The following CRYBG1 variants were observed in gnomAD, a reference collection of about 807,000 sequenced individuals.
The protein encoded by CRYBG1 is crystallin beta-gamma domain containing 1.
A neutral mutation model predicts 189.2 loss-of-function variants in CRYBG1; 139 were observed. That is an observed-to-expected ratio of 0.73 (90% CI 0.64 to 0.85). The LOEUF (loss-of-function observed/expected upper bound fraction) is 0.85, where lower values mean the gene tolerates loss of function less well. Among genes scored for constraint, CRYBG1 ranks in the 40% least tolerant of loss-of-function variants. The pLI, the probability that CRYBG1 is intolerant of heterozygous loss-of-function variation, is 0.00. For synonymous variants in CRYBG1, 1,023 were observed against 1,017.1 expected (o/e 1.01, Z -0.11); for missense variants, 2,611 against 2,675.8 (o/e 0.98, Z 0.53).
chr6:106,405,096 T>G (rs905295243), intron 1 of CRYBG1, among the ~76,000 whole-genome samples: 1 of 152,046 alleles, frequency 6.6e-6, no homozygotes, highest in Non-Finnish European at 1.5e-5. Flanking sequence ...CTCAGCAGAT[T>G]CCACCCCCAT....
At chr6:106,538,668 G>A (rs564286693) in intron 8 of CRYBG1, among the ~76,000 whole-genome samples, 127 of 152,184 alleles carry the variant, frequency 8.3e-4, no homozygotes, top group African/African-American at 2.9e-3. Context: ...CAAGGCGGGC[G>A]GATCACCTGA....
rs535015918 is a variant in CRYBG1, at chr6:106,360,982, C to T, written c.74C>T (p.Thr25Ile). 9 of 1,535,174 alleles carry T rather than the reference C, an allele frequency of 5.9e-6. No homozygotes were observed. Among genetic ancestry groups the T allele is most frequent in the African/African-American group, 1.4e-5 (1 of 73,030 alleles). ...SPCRPPKKHT[T>I]FHLWRSKKKQ... ...TGCAGGCCCCCTAAGAAGCACACCA[C>T]CTTCCACCTCTGGCGCTCCAAAAAG... Residue 25 changes from threonine to isoleucine, a missense_variant, in exon 1 of 22, where the codon ACC becomes ATC. Thr to Ile is a moderately conservative substitution (Grantham distance 89). Around this residue, in one of 3 missense-constraint regions of CRYBG1, gnomAD observed 985 missense variants for 924.4 expected, o/e 1.07. Transcript: ENST00000633556.
chr6:106,540,012 C>G (rs1774094555), intron 9 of CRYBG1, among the ~76,000 whole-genome samples: 1 of 151,856 alleles, frequency 6.6e-6, no homozygotes, highest in Non-Finnish European at 1.5e-5. Context: ...AGGGTGCAGC[C>G]TGAGAGAGAG....
chr6:106,489,346 A>G (rs1772664177), intron 2 of CRYBG1, among the ~76,000 whole-genome samples: 1 of 152,036 alleles, frequency 6.6e-6, no homozygotes, highest in African/African-American at 2.4e-5. Context: ...CTAGTTGGCC[A>G]TCTTGCTGAT....
intron 8 of CRYBG1, among the ~76,000 whole-genome samples, chr6:106,538,465 G>A (rs1348758998): frequency 6.6e-6 from 1 of 152,148 alleles, no homozygotes; most frequent in Admixed American, 6.5e-5. Context: ...GGAACAAGCA[G>A]CCCCACAGAA....
At chr6:106,486,100 T>C (rs932926167) in intron 2 of CRYBG1, among the ~76,000 whole-genome samples, 1 of 152,228 alleles carries the variant, frequency 6.6e-6, no homozygotes, top group African/African-American at 2.4e-5. Context: ...TTTGTTGCTA[T>C]GAACTTCCCT....
chr6:106,568,392 A>C, intron 21 of CRYBG1, 80 bp from the exon 22 acceptor site: 1 of 1,102,660 alleles, frequency 9.1e-7, no homozygotes, highest in Non-Finnish European at 1.4e-6. Flanking sequence ...CTTTTGCTGT[A>C]CTGGTGTTAG....
intron 1 of CRYBG1, among the ~76,000 whole-genome samples, chr6:106,424,471 CT>C (rs995511203): frequency 1.3e-5 from 2 of 151,838 alleles, no homozygotes; most frequent in Admixed American, 6.6e-5. Context: ...CCCACCACCT[CT>C]TTTTTTTAAG....
chr6:106,445,351 TC>T (rs1431909943), intron 1 of CRYBG1, among the ~76,000 whole-genome samples: 19 of 152,216 alleles, frequency 1.2e-4, no homozygotes, highest in Non-Finnish European at 2.5e-4. Flanking sequence ...CCTAACTCTG[TC>T]ATTAGCCGTG....
intron 2 of CRYBG1, among the ~76,000 whole-genome samples, chr6:106,465,894 G>A (rs887243331): frequency 6.6e-6 from 1 of 151,994 alleles, no homozygotes; most frequent in Non-Finnish European, 1.5e-5. Flanking sequence ...ATTTTCTTTA[G>A]TTTGTAGAAT....
intron 2 of CRYBG1, among the ~76,000 whole-genome samples, chr6:106,475,460 T>G (rs1284006961): frequency 6.6e-6 from 1 of 152,274 alleles, no homozygotes; most frequent in East Asian, 1.9e-4. Context: ...GGCTTTGCTG[T>G]GTGAATCAGA....
chr6:106,568,989 G>GTT lies in CRYBG1; in HGVS notation c.*425_*426dup, dbSNP rs1774979564. 6.2e-6 allele frequency: 1 copy of GTT among 161,916 alleles called. No individual in the cohort carries two copies. The highest frequency in any genetic ancestry group is 2.4e-5 in the African/African-American group (1 of 41,632). The allele number at this position is 161,916 out of a possible 1,614,324, so 10.0% of individuals were successfully genotyped here. ...TTTAAAGGGTAAGACAAAGGCTTAA[G>GTT]TTTGAAAGGTAGAGAACTGTTTAGC... On this transcript the variant is annotated 3_prime_UTR_variant, in exon 22 of 22. Coordinates refer to ENST00000633556, the MANE Select transcript of CRYBG1 (RefSeq NM_001371242.2).
rs1301834583 is a variant in CRYBG1, at chr6:106,367,778, C to G, written c.173+6697C>G. ...TAGGAGTTCAAGACAGCCTAGGCAA[C>G]AAACTCAGACCCTGCTTATCCAAAA... is the stretch of plus-strand genomic sequence containing the variant. On this transcript the variant is annotated intron_variant, in intron 1 of 21. Coordinates refer to ENST00000633556, the MANE Select transcript of CRYBG1 (RefSeq NM_001371242.2). Among the ~76,000 whole-genome samples the G allele has an allele frequency of 4.4e-5, 6 of 136,002 alleles. No individual in the cohort carries two copies. The Admixed American group carries it at 4.6e-4, about 10-fold the overall frequency. The allele number at this position is 136,002 out of a possible 152,430, so 89.2% of individuals were successfully genotyped here.
rs781228779 is a variant in CRYBG1, at chr6:106,520,225, A to G, written c.3017A>G (p.Gln1006Arg). Residue 1006 changes from glutamine to arginine, a missense_variant, in exon 4 of 22, where the codon CAA becomes CGA. By Grantham distance (43) the Gln-to-Arg change is conservative (BLOSUM62 1). Coordinates refer to ENST00000633556, the MANE Select transcript of CRYBG1 (RefSeq NM_001371242.2). Reference sequence around the variant, plus strand: ...TCCGTTGCAAGTTGTGCTCCCCCACAAGAGGAAGTACTGGGCAATGAACAC... The same window carrying G: ...TCCGTTGCAAGTTGTGCTCCCCCACGAGAGGAAGTACTGGGCAATGAACAC... The part of the protein sequence containing the change: ...VVSVASCAPP[Q>R]EEVLGNEHSH... The G allele has an allele frequency of 3.7e-6, 6 of 1,614,062 alleles. No homozygotes were observed. The highest frequency in any genetic ancestry group is 2.2e-5 in the South Asian group (2 of 91,090).
chr6:106,437,703 C>G (rs1459143820), intron 1 of CRYBG1, among the ~76,000 whole-genome samples: 1 of 152,212 alleles, frequency 6.6e-6, no homozygotes, highest in Non-Finnish European at 1.5e-5. Context: ...TCCCAAAGTC[C>G]TAGGATTACA....
intron 2 of CRYBG1, among the ~76,000 whole-genome samples, chr6:106,473,269 T>C (rs937929653): frequency 6.6e-6 from 1 of 152,166 alleles, no homozygotes; most frequent in Non-Finnish European, 1.5e-5. Context: ...TTCCACATCA[T>C]CCAGTTTCAA....
At chr6:106,454,682 T>G (rs1771849178) in intron 2 of CRYBG1, 1 of 152,272 alleles carries the variant, frequency 6.6e-6, no homozygotes, top group African/African-American at 2.4e-5. Context: ...AATTTACATT[T>G]TCCAAAACAA....
chr6:106,363,974 G>GAA (rs1423217520), intron 1 of CRYBG1, among the ~76,000 whole-genome samples: 1 of 152,138 alleles, frequency 6.6e-6, no homozygotes, highest in African/African-American at 2.4e-5. Context: ...GGAAGAAATG[G>GAA]AAAAGATAGG....
At chr6:106,389,442 A>C (rs1770457777) in intron 1 of CRYBG1, among the ~76,000 whole-genome samples, 1 of 152,132 alleles carries the variant, frequency 6.6e-6, no homozygotes, top group Non-Finnish European at 1.5e-5. Flanking sequence ...TCAATTCTAC[A>C]TGTCCAATTA....
Sources: gnomAD v4.1 joint callset for allele counts (sites outside exome capture counted in the v4.1 genomes callset) on GRCh38, gnomAD v4.1.1 for gene constraint, gnomAD v4.1.1 regional missense constraint, MANE v1.5 for transcripts, NCBI Gene and HGNC (gene_info 2026-07-23, HGNC 2026-07-21) for gene names.